Variants in NR3C1 observed in about 807,000 individuals in gnomAD.
NR3C1 encodes the protein glucocorticoid receptor.
Under a neutral mutation model 74.0 loss-of-function variants are expected in NR3C1, and 14 were observed. That is an observed-to-expected ratio of 0.19 (90% CI 0.12 to 0.30). The LOEUF is 0.30. NR3C1 is among the 10% of genes least tolerant of loss of function. The pLI is 1.00. For missense variants in NR3C1, 695 were observed against 909.8 expected, an observed-to-expected ratio of 0.76 and a Z score of 3.04; for synonymous variants, 308 against 332.5, an observed-to-expected ratio of 0.93 and a Z score of 0.80.
chr5:143,355,823 G>A (rs1174998427), intron 2 of NR3C1, among the ~76,000 whole-genome samples: 1 of 152,182 alleles, frequency 6.6e-6, no homozygotes, highest in African/African-American at 2.4e-5. Context: ...AATTAGTACA[G>A]TTGTGCCTTT....
intron 2 of NR3C1, among the ~76,000 whole-genome samples, chr5:143,368,231 A>C (rs1833611817): frequency 6.6e-6 from 1 of 152,210 alleles, no homozygotes; most frequent in Non-Finnish European, 1.5e-5. Flanking sequence ...CATATACACA[A>C]ATTAATTCAA....
chr5:143,311,925 ACAGCCCATTTTCCTTGAGCCACAGTGCC>A (rs374415132), intron 3 of NR3C1, among the ~76,000 whole-genome samples: 19,532 of 151,170 alleles, frequency 0.13, 1,457 homozygotes, highest in Middle Eastern at 0.3. Context: ...GCCACAGTGC[ACAGCCCATTTTCCTTGAGCCACAGTGCC>A]CAGCCCATTT....
At chr5:143,405,569 G>A (rs1427691126), upstream of NR3C1, among the ~76,000 whole-genome samples, 2 of 152,194 alleles carry the variant, frequency 1.3e-5, no homozygotes, top group Non-Finnish European at 2.9e-5. Context: ...AAGGAAAGAA[G>A]TAGGCTTTCA....
chr5:143,401,420 G>A (rs571482469), intron 1 of NR3C1: 1 of 159,310 alleles, frequency 6.3e-6, no homozygotes, highest in African/African-American at 2.4e-5. Context: ...AACCATGCAC[G>A]TTTTCTTTGA....
chr5:143,417,443 C>T (rs1424597037), intron 1 of NR3C1, among the ~76,000 whole-genome samples: 2 of 152,098 alleles, frequency 1.3e-5, no homozygotes, highest in Admixed American at 6.6e-5. Context: ...ACTTGAGACT[C>T]TACCTCCTAG....
At chr5:143,348,372 G>C (rs1829668508) in intron 2 of NR3C1, among the ~76,000 whole-genome samples, 2 of 152,192 alleles carry the variant, frequency 1.3e-5, no homozygotes, top group Admixed American at 1.3e-4. Flanking sequence ...TTCCACATCT[G>C]CAAGTTTACA....
chr5:143,401,167 T>C (rs1305019735), intron 1 of NR3C1: 1 of 365,424 alleles, frequency 2.7e-6, no homozygotes, highest in Admixed American at 4.0e-5. Context: ...ACAGACATTA[T>C]AATTCATTAC....
chr5:143,416,555 TAC>T (rs1230613047), intron 1 of NR3C1, among the ~76,000 whole-genome samples: 1 of 152,182 alleles, frequency 6.6e-6, no homozygotes, highest in Non-Finnish European at 1.5e-5. Context: ...ACTTGACTAT[TAC>T]ACACTTCAAT....
chr5:143,307,859 T>C (rs1294119725), intron 4 of NR3C1, among the ~76,000 whole-genome samples: 1 of 152,210 alleles, frequency 6.6e-6, no homozygotes, highest in Non-Finnish European at 1.5e-5. Flanking sequence ...AATACTGTTT[T>C]TATAACAAAA....
intron 1 of NR3C1, among the ~76,000 whole-genome samples, chr5:143,409,688 A>G (rs1017676851): frequency 5.3e-5 from 8 of 152,222 alleles, no homozygotes; most frequent in Admixed American, 2.0e-4. Context: ...TGTCTGCTTC[A>G]ATATTTGTAT....
chr5:143,406,615 T>C (rs1841123666), upstream of NR3C1, among the ~76,000 whole-genome samples: 1 of 152,216 alleles, frequency 6.6e-6, no homozygotes, highest in Admixed American at 6.5e-5. Context: ...CCCACTCTTC[T>C]GCTGCCCACT....
chr5:143,433,464 A>ATAATT (rs1173177375), intron 1 of NR3C1, among the ~76,000 whole-genome samples: 1 of 146,470 alleles, frequency 6.8e-6, no homozygotes, highest in African/African-American at 2.5e-5. Context: ...ATATATATAT[A>ATAATT]TATATATTTA....
chr5:143,435,146 T>G, exon 1 of NR3C1: 1 of 985,422 alleles, frequency 1.0e-6, no homozygotes, highest in Non-Finnish European at 1.2e-6. Context: ...TGCGTGCATA[T>G]TCACACTAAG....
intron 2 of NR3C1, among the ~76,000 whole-genome samples, chr5:143,343,300 C>T (rs1828597348): frequency 6.6e-6 from 1 of 152,200 alleles, no homozygotes; most frequent in African/African-American, 2.4e-5. Flanking sequence ...TGGGTTTCGG[C>T]TCCCTCTTTG....
intron 7 of NR3C1, among the ~76,000 whole-genome samples, chr5:143,288,934 G>A (rs866082402): frequency 3.6e-4 from 55 of 151,986 alleles, no homozygotes; most frequent in African/African-American, 1.2e-3. Context: ...GCGAAACCCC[G>A]TCTCTACTAA....
chr5:143,405,210 G>C, upstream of NR3C1: 1 of 985,746 alleles, frequency 1.0e-6, no homozygotes, highest in Non-Finnish European at 1.2e-6. Context: ...TGTGGGTTTA[G>C]GGTTTGGGGA....
chr5:143,312,555 T>C (rs1289603153), intron 3 of NR3C1, among the ~76,000 whole-genome samples: 1 of 152,124 alleles, frequency 6.6e-6, no homozygotes, highest in Non-Finnish European at 1.5e-5. Context: ...TATTATACTA[T>C]GCCAATTTTG....
At chr5:143,294,896 C>T in intron 7 of NR3C1, 1 of 982,496 alleles carries the variant, frequency 1.0e-6, no homozygotes, top group South Asian at 4.7e-5. Flanking sequence ...TGAAGGACAT[C>T]TTTGTCTTTG....
At chr5:143,282,793 T>G (rs1475347252) in intron 7 of NR3C1, 68 bp from the exon 8 acceptor site, 1 of 1,380,658 alleles carries the variant, frequency 7.2e-7, no homozygotes, top group African/African-American at 1.5e-5. Context: ...TTTTTTTTTT[T>G]GAGATAGATA....
Sources: gnomAD v4.1 joint callset for allele counts (sites outside exome capture counted in the v4.1 genomes callset) on GRCh38, gnomAD v4.1.1 for gene constraint, MANE v1.5 for transcripts, NCBI Gene and HGNC (gene_info 2026-07-23, HGNC 2026-07-21) for gene names.